DAB1: variants seen among roughly 807,000 people sequenced by gnomAD.
DAB1 encodes disabled homolog 1.
Under a neutral mutation model 64.6 loss-of-function variants are expected in DAB1, and 15 were observed. The ratio of observed to expected loss-of-function variants is 0.23; its 90% CI spans 0.16 to 0.36. The LOEUF is 0.36. DAB1 is among the 10% of genes least tolerant of loss of function. DAB1 has a pLI of 1.00. For synonymous variants in DAB1, 235 were observed against 251.9 expected (o/e 0.93, Z 0.64); for missense variants, 596 against 706.7 (o/e 0.84, Z 1.78).
chr1:58,473,115 C>A (rs1645379571), intron 3 of DAB1, among the ~76,000 whole-genome samples: 1 of 152,224 alleles, frequency 6.6e-6, no homozygotes, highest in Admixed American at 6.5e-5. Flanking sequence ...CCAGCCAGAG[C>A]CAACCTCCCA....
intron 3 of DAB1, among the ~76,000 whole-genome samples, chr1:58,366,036 C>A (rs12136038): frequency 0.094 from 14,168 of 151,390 alleles, 666 homozygotes; most frequent in Middle Eastern, 0.13. Context: ...TGCTGCCAAC[C>A]AATGTTCAAC....
At chr1:57,898,579 TA>T (rs1471760684) in intron 5 of DAB1, among the ~76,000 whole-genome samples, 3 of 152,054 alleles carry the variant, frequency 2.0e-5, no homozygotes, top group Non-Finnish European at 2.9e-5. Flanking sequence ...GGAACTTAAT[TA>T]AAAAAATATC....
At chr1:57,937,202 G>A (rs1645038779) in intron 5 of DAB1, among the ~76,000 whole-genome samples, 1 of 152,042 alleles carries the variant, frequency 6.6e-6, no homozygotes, top group South Asian at 2.1e-4. Context: ...GGGACTATGT[G>A]ATGAGGTCTG....
intron 1 of DAB1, among the ~76,000 whole-genome samples, chr1:57,407,430 C>T (rs944715392): frequency 6.6e-6 from 1 of 152,200 alleles, no homozygotes. Context: ...TATCCTGAGG[C>T]ATGTCCTTTA....
intron 3 of DAB1, among the ~76,000 whole-genome samples, chr1:58,495,886 C>T (rs1192869879): frequency 2.0e-5 from 3 of 152,154 alleles, no homozygotes; most frequent in Non-Finnish European, 2.9e-5. Flanking sequence ...CATTCTTACT[C>T]TTGTATGCCT....
At chr1:58,498,928 T>C (rs1645850116) in intron 3 of DAB1, among the ~76,000 whole-genome samples, 1 of 152,018 alleles carries the variant, frequency 6.6e-6, no homozygotes, top group Non-Finnish European at 1.5e-5. Context: ...TTAAAGTAAA[T>C]ACAAAAAATT....
intron 5 of DAB1, among the ~76,000 whole-genome samples, chr1:58,121,186 G>T (rs955639428): frequency 6.6e-6 from 1 of 151,944 alleles, no homozygotes; most frequent in Admixed American, 6.6e-5. Context: ...TCTTTTTCAG[G>T]TTATGATCAT....
At chr1:58,016,587 C>T (rs566364334) in intron 5 of DAB1, among the ~76,000 whole-genome samples, 1 of 152,162 alleles carries the variant, frequency 6.6e-6, no homozygotes, top group Non-Finnish European at 1.5e-5. Flanking sequence ...ATACCTATCC[C>T]TAGGTCTGCC....
chr1:57,003,680 C>A (rs1645955945), intron 14 of DAB1, among the ~76,000 whole-genome samples: 1 of 152,138 alleles, frequency 6.6e-6, no homozygotes, highest in Non-Finnish European at 1.5e-5. Context: ...ACCCATTAAG[C>A]AATTAACTCC....
chr1:57,973,430 A>G (rs1315879208), intron 5 of DAB1, among the ~76,000 whole-genome samples: 1 of 152,212 alleles, frequency 6.6e-6, no homozygotes, highest in African/African-American at 2.4e-5. Flanking sequence ...ATTTGTGGCA[A>G]TTTGTTACAG....
At chr1:58,233,838 T>C (rs1329036872) in intron 4 of DAB1, among the ~76,000 whole-genome samples, 1 of 152,164 alleles carries the variant, frequency 6.6e-6, no homozygotes, top group Non-Finnish European at 1.5e-5. Context: ...TCACCCCAGA[T>C]TGTTCTCAGC....
At chr1:57,688,298 C>A (rs931703337) in intron 6 of DAB1, among the ~76,000 whole-genome samples, 1 of 152,064 alleles carries the variant, frequency 6.6e-6, no homozygotes, top group Non-Finnish European at 1.5e-5. Context: ...AAGCAGCCAA[C>A]AAACATTTTA....
chr1:57,318,961 T>C lies in DAB1; in HGVS notation c.-136-27795A>G, dbSNP rs1035311227. Among the ~76,000 whole-genome samples, 5 of 152,174 alleles carry C rather than the reference T, an allele frequency of 3.3e-5. No homozygotes were observed. In the East Asian group the frequency reaches 9.6e-4, roughly 29 times the overall value. On this transcript the variant is annotated intron_variant, in intron 1 of 14. Transcript: ENST00000371236. ...ATCAACAACAGAAACACAGCCTCCA[T>C]GTCCACCTGTTTTGCTTTTGTTCCC...
chr1:57,825,530 G>T (rs931779602), downstream of DAB1, among the ~76,000 whole-genome samples: 1 of 152,166 alleles, frequency 6.6e-6, no homozygotes, highest in Non-Finnish European at 1.5e-5. Flanking sequence ...ATCATCACAG[G>T]TGTTAAGGGC....
intron 5 of DAB1, among the ~76,000 whole-genome samples, chr1:57,969,873 T>TCTCCAACATTCATTA (rs1378607979): frequency 4.6e-5 from 7 of 152,294 alleles, no homozygotes; most frequent in African/African-American, 1.4e-4. Context: ...AGGCTGAATA[T>TCTCCAACATTCATTA]TTGTGTCTCT....
At chr1:58,414,123 G>C (rs1484223199) in intron 3 of DAB1, among the ~76,000 whole-genome samples, 1 of 152,128 alleles carries the variant, frequency 6.6e-6, no homozygotes, top group Non-Finnish European at 1.5e-5. Context: ...TAACCTTATG[G>C]AACCACTGTC....
intron 5 of DAB1, among the ~76,000 whole-genome samples, chr1:58,011,873 TAGAG>T (rs1291347986): frequency 2.0e-5 from 3 of 152,130 alleles, no homozygotes; most frequent in Non-Finnish European, 2.9e-5. Flanking sequence ...GTATTTTTAG[TAGAG>T]ACAGGGTTTT....
intron 5 of DAB1, among the ~76,000 whole-genome samples, chr1:57,896,974 T>C (rs1422955037): frequency 6.6e-6 from 1 of 152,188 alleles, no homozygotes; most frequent in Admixed American, 6.5e-5. Context: ...TCAAAGATGC[T>C]ATCTGGCCAT....
At chr1:57,671,480 T>G (rs1646509644) in intron 6 of DAB1, among the ~76,000 whole-genome samples, 1 of 152,092 alleles carries the variant, frequency 6.6e-6, no homozygotes, top group Admixed American at 6.6e-5. Flanking sequence ...TCTAAGATTT[T>G]AAAAATGGAT....
Sources: allele counts gnomAD v4.1 joint callset (sites outside exome capture counted in the v4.1 genomes callset), GRCh38; gene constraint gnomAD v4.1.1; transcripts MANE v1.5; gene names NCBI Gene and HGNC (gene_info 2026-07-23, HGNC 2026-07-21).